The following ATP6V0A4 variants were observed in gnomAD, a reference collection of about 807,000 sequenced individuals.
ATP6V0A4 encodes V-type proton ATPase 116 kDa subunit a 4.
ATP6V0A4 carries 86 observed loss-of-function variants against 107.3 expected under a neutral mutation model. The observed-to-expected ratio is 0.80, with a 90% CI of 0.67 to 0.96. The LOEUF is 0.96. ATP6V0A4 is among the 40% of genes least tolerant of loss of function. The pLI is 0.00. For missense variants in ATP6V0A4, 908 were observed against 1,045.6 expected (o/e 0.87, Z 1.81); for synonymous variants, 353 against 381.4 (o/e 0.93, Z 0.87).
intron 20 of ATP6V0A4, among the ~76,000 whole-genome samples, chr7:138,712,552 A>G (rs6977910): frequency 0.56 from 84,569 of 152,054 alleles, 24,711 homozygotes; most frequent in African/African-American, 0.75. Context: ...AAGTTACTCA[A>G]CCAAAAGTGG....
At chr7:138,725,694 G>A (rs1321867529) in intron 18 of ATP6V0A4, among the ~76,000 whole-genome samples, 1 of 151,968 alleles carries the variant, frequency 6.6e-6, no homozygotes, top group Non-Finnish European at 1.5e-5. Flanking sequence ...TGTATTTTTA[G>A]TAGAGACAGG....
chr7:138,734,783 A>G (rs1805223709), intron 15 of ATP6V0A4, among the ~76,000 whole-genome samples: 2 of 150,288 alleles, frequency 1.3e-5, no homozygotes. Flanking sequence ...GTCTCAAAAA[A>G]AAAAAAAAAA....
Position 138,763,186 on chromosome 7 carries a change from GAC to G in ATP6V0A4, c.292-163_292-162del, listed in dbSNP as rs3832464. Reference sequence around the variant, plus strand: ...ACACAGACACACACAGACACACACAGACACACACACACACACACACACACACG... The same window carrying G: ...ACACAGACACACACAGACACACACAGACACACACACACACACACACACACG... On this transcript the variant is annotated intron_variant, in intron 5 of 21. Transcript: ENST00000310018. The G allele has an allele frequency of 0.12, 30,451 of 259,654 alleles. 1,665 individuals carry two copies. The highest frequency in any genetic ancestry group is 0.33 in the East Asian group (1,934 of 5,942). 16.1% of individuals were successfully genotyped at this position (259,654 alleles called of 1,614,324 possible). A position where few individuals can be genotyped will look rare whatever the true frequency, so the allele number is the denominator to read the frequency against.
intron 12 of ATP6V0A4, among the ~76,000 whole-genome samples, chr7:138,748,803 C>A (rs1160119239): frequency 6.6e-6 from 1 of 152,106 alleles, no homozygotes; most frequent in Non-Finnish European, 1.5e-5. Context: ...CTTTCCCACA[C>A]AATAACCACA....
chr7:138,744,542 A>G (rs1211580286), intron 14 of ATP6V0A4, among the ~76,000 whole-genome samples: 2 of 140,180 alleles, frequency 1.4e-5, no homozygotes, highest in Non-Finnish European at 3.1e-5. Context: ...CCAGCCTCTC[A>G]TTTGCTTTTG....
intron 15 of ATP6V0A4, among the ~76,000 whole-genome samples, chr7:138,736,981 A>G (rs9770246): frequency 0.59 from 89,062 of 149,988 alleles, 27,078 homozygotes; most frequent in East Asian, 0.92. Flanking sequence ...AACACAGGCA[A>G]TCTGATTCCT....
In ATP6V0A4 at chr7:138,784,253, CATATATATATATACAT is replaced by C. The variant is rs1263684424; in HGVS notation, c.-18+1889_-18+1904del. 3.8e-5 allele frequency among the ~76,000 whole-genome samples: 4 copies of C among 106,182 alleles called. No homozygotes were observed. In the East Asian group the frequency reaches 9.1e-4, roughly 24 times the overall value. The allele number at this position is 106,182 out of a possible 152,430, so 69.7% of individuals were successfully genotyped here. On this transcript the variant is annotated intron_variant, in intron 2 of 21. Coordinates refer to ENST00000310018, the MANE Select transcript of ATP6V0A4 (RefSeq NM_020632.3). Reference sequence around the variant, plus strand: ...ATATATACGTATATATATATATATACATATATATATATACATATATATATATACATATATATACACA... The same window carrying C: ...ATATATACGTATATATATATATATACATATATATATACATATATATACACA...
chr7:138,795,826 T>G (rs969275270), intron 1 of ATP6V0A4, among the ~76,000 whole-genome samples: 2 of 149,972 alleles, frequency 1.3e-5, no homozygotes, highest in Admixed American at 6.7e-5. Flanking sequence ...TGTTTTTTTT[T>G]GTTTGTTTTG....
rs189447292 is a variant in ATP6V0A4 at position 138,724,216 on chromosome 7, T to C, written c.2011-2191A>G. Among the ~76,000 whole-genome samples, 169 of 143,598 alleles carry C rather than the reference T, an allele frequency of 1.2e-3. 4 individuals carry two copies. In the East Asian group the frequency reaches 0.033, roughly 28 times the overall value. 94.2% of individuals were successfully genotyped at this position (143,598 alleles called of 152,430 possible). A position where few individuals can be genotyped will look rare whatever the true frequency, so the allele number is the denominator to read the frequency against. On this transcript the variant is annotated intron_variant, in intron 18 of 21. Coordinates refer to ENST00000310018, the MANE Select transcript of ATP6V0A4 (RefSeq NM_020632.3). ...AAAAAAAAAAAAAAAAAAAAGTGTG[T>C]GTATAGGGGTTCTAGCTTAAAAAAT... is the stretch of plus-strand genomic sequence containing the variant.
chr7:138,708,289 G>A (rs375837046), intron 21 of ATP6V0A4, among the ~76,000 whole-genome samples: 5 of 151,996 alleles, frequency 3.3e-5, no homozygotes, highest in East Asian at 1.9e-4. Flanking sequence ...CAGCTGATCC[G>A]CCCGCCTTGG....
intron 10 of ATP6V0A4, among the ~76,000 whole-genome samples, chr7:138,753,586 G>T (rs544087265): frequency 6.6e-6 from 1 of 152,202 alleles, no homozygotes; most frequent in African/African-American, 2.4e-5. Context: ...TGGACAATTG[G>T]GCCCACACAG....
chr7:138,749,940 C>G (rs1806141930), intron 11 of ATP6V0A4, among the ~76,000 whole-genome samples: 1 of 152,164 alleles, frequency 6.6e-6, no homozygotes. Context: ...CCACAGCTAT[C>G]ACCCTAGCTC....
At chr7:138,746,453 C>T (rs541353936) in intron 13 of ATP6V0A4, among the ~76,000 whole-genome samples, 3 of 151,986 alleles carry the variant, frequency 2.0e-5, no homozygotes, top group South Asian at 2.1e-4. Flanking sequence ...TCACTAACCT[C>T]GACATCGCTG....
intron 2 of ATP6V0A4, among the ~76,000 whole-genome samples, chr7:138,776,847 T>A (rs1202029248): frequency 6.6e-6 from 1 of 152,120 alleles, no homozygotes; most frequent in Non-Finnish European, 1.5e-5. Flanking sequence ...AGAGGCTTAC[T>A]TAGAAAGTGG....
intron 3 of ATP6V0A4, among the ~76,000 whole-genome samples, chr7:138,770,258 GGGAAGGAAGGAAGAAA>G (rs150587241): frequency 0.021 from 3,186 of 151,496 alleles, 104 homozygotes; most frequent in African/African-American, 0.073. Flanking sequence ...AGAGAGGGAG[GGGAAGGAAGGAAGAAA>G]GGAAGGAAGG....
chr7:138,710,192 A>ATT lies in ATP6V0A4; in HGVS notation c.2258-399_2258-398dup, dbSNP rs56391137. Among the ~76,000 whole-genome samples, 216 of 135,266 alleles carry ATT rather than the reference A, an allele frequency of 1.6e-3. 1 individual carries two copies. The highest frequency in any genetic ancestry group is 5.0e-3 in the African/African-American group (181 of 36,308). 88.7% of individuals were successfully genotyped at this position (135,266 alleles called of 152,430 possible). ...AGAAGTGTGCCGCCACTGTCTGTTA[A>ATT]TTTTTTTTTTTTTTTCGAGACAGAG... On this transcript the variant is annotated intron_variant, in intron 20 of 21. Coordinates refer to ENST00000310018, the MANE Select transcript of ATP6V0A4 (RefSeq NM_020632.3).
chr7:138,746,795 T>A (rs1975803), intron 13 of ATP6V0A4, among the ~76,000 whole-genome samples: 1 of 151,902 alleles, frequency 6.6e-6, no homozygotes, highest in South Asian at 2.1e-4. Flanking sequence ...TGAGCCACTG[T>A]GCCTGGCCAG....
At chr7:138,715,425 C>T (rs1018850685) in intron 20 of ATP6V0A4, among the ~76,000 whole-genome samples, 1 of 152,178 alleles carries the variant, frequency 6.6e-6, no homozygotes, top group Non-Finnish European at 1.5e-5. Context: ...ATCTTGAACT[C>T]CTGGGCTCAA....
chr7:138,720,592 G>A (rs1010167641), intron 19 of ATP6V0A4, among the ~76,000 whole-genome samples: 1 of 152,114 alleles, frequency 6.6e-6, no homozygotes, highest in Non-Finnish European at 1.5e-5. Flanking sequence ...ATTTTCTTGG[G>A]AAGAATTTTC....
Sources: allele counts gnomAD v4.1 joint callset (sites outside exome capture counted in the v4.1 genomes callset), GRCh38; gene constraint gnomAD v4.1.1; transcripts MANE v1.5; gene names NCBI Gene and HGNC (gene_info 2026-07-23, HGNC 2026-07-21).